ATP6V1A: variants seen among roughly 807,000 people sequenced by gnomAD.
ATP6V1A encodes the protein V-type proton ATPase catalytic subunit A.
A neutral mutation model predicts 70.1 loss-of-function variants in ATP6V1A; 18 were observed. That is an observed-to-expected ratio of 0.26 (90% CI 0.18 to 0.38). The LOEUF is 0.38. Ranked by LOEUF, ATP6V1A falls within the 10% of genes least tolerant of loss-of-function variation. The pLI, the probability that ATP6V1A is intolerant of heterozygous loss-of-function variation, is 1.00. For missense variants in ATP6V1A, 424 were observed against 772.4 expected, an observed-to-expected ratio of 0.55 and a Z score of 5.35; for synonymous variants, 232 against 253.8, an observed-to-expected ratio of 0.91 and a Z score of 0.82.
At chr3:113,805,728 C>T (rs552759756) in intron 14 of ATP6V1A, among the ~76,000 whole-genome samples, 1 of 152,162 alleles carries the variant, frequency 6.6e-6, no homozygotes, top group African/African-American at 2.4e-5. Context: ...GCCAGCACGC[C>T]CAGCTAATTT....
chr3:113,779,811 CTG>C (rs1348115365), intron 2 of ATP6V1A, among the ~76,000 whole-genome samples: 1 of 152,122 alleles, frequency 6.6e-6, no homozygotes, highest in Non-Finnish European at 1.5e-5. Context: ...TTCTGTGAAA[CTG>C]TGTAGTAAAC....
At chr3:113,750,446 C>T (rs1410082723) in intron 1 of ATP6V1A, among the ~76,000 whole-genome samples, 9 of 152,128 alleles carry the variant, frequency 5.9e-5, no homozygotes, top group Admixed American at 2.6e-4. Flanking sequence ...CACACCACTG[C>T]GCTCCAGCCT....
At chr3:113,756,730 G>A (rs889901185) in intron 1 of ATP6V1A, among the ~76,000 whole-genome samples, 6 of 152,172 alleles carry the variant, frequency 3.9e-5, no homozygotes, top group African/African-American at 1.4e-4. Context: ...AGTTTGAATA[G>A]ATATTGTTGA....
intron 11 of ATP6V1A, 31 bp from the exon 12 acceptor site, chr3:113,798,212 C>T: frequency 6.3e-7 from 1 of 1,598,422 alleles, no homozygotes; most frequent in Non-Finnish European, 8.6e-7. Context: ...AGAAAAATTA[C>T]TGTTTTTGTG....
At chr3:113,787,354 A>C (rs1168825322) in intron 6 of ATP6V1A, among the ~76,000 whole-genome samples, 2 of 152,194 alleles carry the variant, frequency 1.3e-5, no homozygotes, top group Admixed American at 1.3e-4. Flanking sequence ...CCTAACTTTA[A>C]GTTTGATGCT....
At chr3:113,778,654 G>A (rs541507230) in intron 1 of ATP6V1A, 87 bp from the exon 2 acceptor site, 7 of 581,222 alleles carry the variant, frequency 1.2e-5, no homozygotes, top group Non-Finnish European at 2.0e-5. Context: ...AGATGAGAGT[G>A]GTCTCATCTT....
At position 113,798,298 on chromosome 3, in the gene ATP6V1A, A is replaced by G; in HGVS notation, c.1346A>G (p.Asn449Ser). 2 of 1,613,888 alleles carry G rather than the reference A, an allele frequency of 1.2e-6. No homozygotes were observed. Among genetic ancestry groups the G allele is most frequent in the Non-Finnish European group, 1.7e-6 (2 of 1,179,982 alleles). Residue 449 changes from asparagine to serine, a missense_variant, in exon 12 of 15, where the codon AAT (asparagine) becomes AGT (serine). Asn to Ser is a conservative substitution (Grantham distance 46). Transcript: ENST00000273398. ...LAQRKHFPSV[N>S]WLISYSKYMR... ...CAACGTAAGCATTTCCCCTCTGTCA[A>G]TTGGCTCATCAGCTACAGCAAGTAT...
chr3:113,784,656 A>T (rs1709018134), intron 4 of ATP6V1A, 40 bp from the exon 5 acceptor site: 6 of 1,605,312 alleles, frequency 3.7e-6, no homozygotes, highest in Non-Finnish European at 5.1e-6. Flanking sequence ...TCTACTTGAC[A>T]TTTATTTGCA....
At chr3:113,788,575 A>C (rs1362494105) in intron 6 of ATP6V1A, 138 bp from the exon 7 acceptor site, 7 of 644,758 alleles carry the variant, frequency 1.1e-5, no homozygotes, top group Non-Finnish European at 1.5e-5. Context: ...CGAACTCCTC[A>C]CTTCAGATGA....
chr3:113,752,371 A>C (rs1305160923), intron 1 of ATP6V1A, among the ~76,000 whole-genome samples: 4 of 151,924 alleles, frequency 2.6e-5, no homozygotes, highest in Non-Finnish European at 4.4e-5. Context: ...TAGTATATAC[A>C]TATGGAAAAA....
intron 12 of ATP6V1A, among the ~76,000 whole-genome samples, chr3:113,798,925 A>C (rs1005121299): frequency 4.6e-5 from 7 of 152,230 alleles, no homozygotes; most frequent in Admixed American, 4.6e-4. Context: ...GTTAGTACTC[A>C]GAGTTCTTTG....
chr3:113,785,918 T>G (rs1213952148), intron 5 of ATP6V1A, among the ~76,000 whole-genome samples: 2 of 146,754 alleles, frequency 1.4e-5, no homozygotes, highest in African/African-American at 2.5e-5. Flanking sequence ...TTGCCTGGGG[T>G]GCTGGAACTA....
chr3:113,768,453 G>A (rs1026535876), intron 1 of ATP6V1A, among the ~76,000 whole-genome samples: 1 of 152,048 alleles, frequency 6.6e-6, no homozygotes, highest in Non-Finnish European at 1.5e-5. Flanking sequence ...GATGTCTTTT[G>A]TCTTTCTATT....
intron 1 of ATP6V1A, among the ~76,000 whole-genome samples, chr3:113,756,868 G>A (rs979981159): frequency 6.6e-6 from 1 of 152,196 alleles, no homozygotes; most frequent in Non-Finnish European, 1.5e-5. Flanking sequence ...GAGTGTGGTA[G>A]CTAGCTAAAT....
chr3:113,809,371 G>A lies in ATP6V1A; in HGVS notation c.1798G>A (p.Asp600Asn), dbSNP rs758392307. 6.8e-6 allele frequency: 11 copies of A among 1,613,756 alleles called. No individual in the cohort carries two copies. Among genetic ancestry groups the A allele is most frequent in the East Asian group, 2.2e-5 (1 of 44,884 alleles). ...AGATGGTGAGGCAAAGATCAAAAGC[G>A]ACTATGCACAACTTCTTGAAGACAT... ...LKDGEAKIKS[D>N]YAQLLEDMQN... The change falls in exon 15 of 15, where the codon GAC becomes AAC. Residue 600 changes from aspartate to asparagine, a missense_variant. Asp to Asn is a conservative substitution (Grantham distance 23). Transcript: ENST00000273398.
At chr3:113,782,985 T>A (rs1708996601) in intron 3 of ATP6V1A, among the ~76,000 whole-genome samples, 1 of 152,190 alleles carries the variant, frequency 6.6e-6, no homozygotes, top group Non-Finnish European at 1.5e-5. Context: ...AGTAAAATGT[T>A]AAATATAGAA....
chr3:113,784,774 C>A lies in ATP6V1A; in HGVS notation c.505C>A (p.Pro169Thr). Residue 169 changes from proline to threonine, a missense_variant, in exon 5 of 15, where the codon CCC becomes ACC. Pro to Thr is a conservative substitution (Grantham distance 38). Coordinates refer to ENST00000273398, the MANE Select transcript of ATP6V1A (RefSeq NM_001690.4). ...NSLIKHKIML[P>T]PRNRGTVTYI... ...GCTTATCAAACACAAAATCATGTTA[C>A]CCCCACGAAACAGAGGAACTGTAAC... 1 of 1,613,980 alleles carries A rather than the reference C, an allele frequency of 6.2e-7. No homozygotes were observed. The highest frequency in any genetic ancestry group is 8.5e-7 in the Non-Finnish European group (1 of 1,179,928).
chr3:113,795,747 AT>A (rs2108038669), intron 10 of ATP6V1A, 128 bp from the exon 11 acceptor site: 1 of 713,940 alleles, frequency 1.4e-6, no homozygotes, highest in East Asian at 2.9e-5. Flanking sequence ...TTCTAAAGTT[AT>A]TTACATTAAA....
chr3:113,756,806 G>A (rs1577079791), intron 1 of ATP6V1A, among the ~76,000 whole-genome samples: 1 of 152,214 alleles, frequency 6.6e-6, no homozygotes, highest in Non-Finnish European at 1.5e-5. Context: ...AAGCAATTAT[G>A]TAAGAGTGTT....
Sources: gnomAD v4.1 joint callset for allele counts (sites outside exome capture counted in the v4.1 genomes callset) on GRCh38, gnomAD v4.1.1 for gene constraint, MANE v1.5 for transcripts, NCBI Gene and HGNC (gene_info 2026-07-23, HGNC 2026-07-21) for gene names.